CFAP69: variants seen among roughly 807,000 people sequenced by gnomAD.
CFAP69 encodes the protein cilia and flagella associated protein 69, also known as cilia- and flagella-associated protein 69.
Under a neutral mutation model 123.0 loss-of-function variants are expected in CFAP69, and 92 were observed. The ratio of observed to expected loss-of-function variants is 0.75; its 90% confidence interval spans 0.63 to 0.89. CFAP69 has a LOEUF of 0.89. Ranked by LOEUF, CFAP69 falls within the 40% of genes least tolerant of loss-of-function variation. The probability of loss-of-function intolerance (pLI) is 0.00; values close to 1 mark genes in which losing one functional copy is unlikely to be tolerated. For synonymous variants in CFAP69, 380 were observed against 364.3 expected, an observed-to-expected ratio of 1.04 and a Z score of -0.49; for missense variants, 1,067 against 1,096.9, an observed-to-expected ratio of 0.97 and a Z score of 0.39.
In CFAP69 at chr7:90,282,919, T is replaced by A; in HGVS notation, c.1400T>A (p.Phe467Tyr). 1 of 1,544,912 alleles carries A rather than the reference T, an allele frequency of 6.5e-7. No individual in the cohort carries two copies. Among genetic ancestry groups the A allele is most frequent in the Non-Finnish European group, 8.7e-7 (1 of 1,149,230 alleles). ...EDPFFSHGNS[F>Y]HGTGGRGNKF... Reference sequence around the variant, plus strand: ...CCGTTTTTCAGTCATGGTAACAGTTTTCATGGTACAGGTGGCCGAGGCAAC... The same window carrying A: ...CCGTTTTTCAGTCATGGTAACAGTTATCATGGTACAGGTGGCCGAGGCAAC... The change falls in exon 13 of 23, where the codon TTT (phenylalanine) becomes TAT (tyrosine). Residue 467 changes from phenylalanine to tyrosine, a missense_variant. Physicochemically the swap from Phe to Tyr is conservative, Grantham distance 22. Coordinates refer to ENST00000389297, the MANE Select transcript of CFAP69 (RefSeq NM_001039706.3).
the CFAP69 span, chr7:90,320,609 T>C: frequency 6.6e-6 from 1 of 152,176 alleles, no homozygotes; most frequent in Admixed American, 6.5e-5. Context: ...GTTGGAAATG[T>C]CCCTTTTACA....
chr7:90,262,117 A>G (rs942481950), intron 4 of CFAP69, 61 bp downstream of exon 4: 2 of 1,101,480 alleles, frequency 1.8e-6, no homozygotes, highest in East Asian at 2.5e-5. Context: ...TATGTTTCTT[A>G]TATCACAAAC....
Position 90,277,294 on chromosome 7 carries a change from A to G in CFAP69, c.1115A>G (p.Asn372Ser). ...TTTGAGTTGAAGAAATTACTATTCA[A>G]CGTAATTGTGATCTTATGTAAAGAT... The part of the protein sequence containing the change: ...EDFELKKLLF[N>S]VIVILCKDLP... Residue 372 changes from asparagine (N) to serine (S), a missense_variant, in exon 11 of 23, where the codon AAC (asparagine) becomes AGC (serine). Physicochemically the swap from Asn to Ser is conservative, Grantham distance 46. Transcript: ENST00000389297. The G allele has an allele frequency of 6.3e-7, 1 of 1,587,962 alleles. No homozygotes were observed. Among genetic ancestry groups the G allele is most frequent in the Middle Eastern group, 1.7e-4 (1 of 5,934 alleles).
rs1313192788 is a variant in CFAP69 at position 90,277,303 on chromosome 7, T to G, written c.1124T>G (p.Val375Gly). Reference sequence around the variant, plus strand: ...AAGAAATTACTATTCAACGTAATTGTGATCTTATGTAAAGATTTACCTACT... The same window carrying G: ...AAGAAATTACTATTCAACGTAATTGGGATCTTATGTAAAGATTTACCTACT... The part of the protein sequence containing the change: ...ELKKLLFNVI[V>G]ILCKDLPTVQ... Residue 375 changes from valine (V) to glycine (G), a missense_variant, in exon 11 of 23, where the codon GTG (valine) becomes GGG (glycine). Physicochemically the swap from Val to Gly is moderately radical, Grantham distance 109 (BLOSUM62 -3). Coordinates refer to ENST00000389297, the MANE Select transcript of CFAP69 (RefSeq NM_001039706.3). The G allele has an allele frequency of 6.3e-7, 1 of 1,581,512 alleles. No homozygotes were observed. The highest frequency in any genetic ancestry group is 8.6e-7 in the Non-Finnish European group (1 of 1,165,930).
At chr7:90,264,132 T>A (rs1237422829) in intron 4 of CFAP69, among the ~76,000 whole-genome samples, 1,258 of 116,084 alleles carry the variant, frequency 0.011, 157 homozygotes, top group South Asian at 0.019. Flanking sequence ...TATATATATA[T>A]ATATATATAT....
At chr7:90,286,069 A>C (rs1790230718) in intron 13 of CFAP69, among the ~76,000 whole-genome samples, 1 of 152,208 alleles carries the variant, frequency 6.6e-6, no homozygotes, top group African/African-American at 2.4e-5. Context: ...TGCAAGGCCG[A>C]GGCAGGAGGA....
At chr7:90,307,337 C>T (rs1010289504) in intron 20 of CFAP69, among the ~76,000 whole-genome samples, 21 of 152,138 alleles carry the variant, frequency 1.4e-4, no homozygotes, top group Non-Finnish European at 2.5e-4. Flanking sequence ...ATTGTATGCA[C>T]ATATCAAAAT....
chr7:90,271,396 G>A (rs1487717005), intron 6 of CFAP69, 130 bp from the exon 7 acceptor site: 18 of 939,992 alleles, frequency 1.9e-5, no homozygotes, highest in South Asian at 1.1e-4. Context: ...CCTATGCTGC[G>A]CAATTTTTAA....
chr7:90,323,658 T>G, the CFAP69 span, among the ~76,000 whole-genome samples: 1 of 152,102 alleles, frequency 6.6e-6, no homozygotes, highest in East Asian at 1.9e-4. Flanking sequence ...GAAAGTAAAT[T>G]TATAAGATTC....
At chr7:90,263,190 GTATAA>G (rs1388189380) in intron 4 of CFAP69, among the ~76,000 whole-genome samples, 1 of 152,144 alleles carries the variant, frequency 6.6e-6, no homozygotes, top group African/African-American at 2.4e-5. Context: ...ATGTTTAATT[GTATAA>G]TATGATAAAT....
chr7:90,288,435 G>A, intron 15 of CFAP69, 83 bp downstream of exon 15: 1 of 1,465,906 alleles, frequency 6.8e-7, no homozygotes, highest in East Asian at 2.3e-5. Flanking sequence ...TCTGAGAAAT[G>A]TTTCCTTAGG....
chr7:90,279,743 A>G lies in CFAP69; in HGVS notation c.1222A>G (p.Ile408Val). Reference sequence around the variant, plus strand: ...TGTTAAGAAGCCTGAGAAGCAAAAAATAATTGACTGGTCTGCAGCACAGCA... The same window carrying G: ...TGTTAAGAAGCCTGAGAAGCAAAAAGTAATTGACTGGTCTGCAGCACAGCA... ...TYVKKPEKQK[I>V]IDWSAAQHEE... is the part of the protein sequence containing the mutation. The change falls in exon 12 of 23, where the codon ATA becomes GTA. Residue 408 changes from isoleucine to valine, a missense_variant. Physicochemically the swap from Ile to Val is conservative, Grantham distance 29. Transcript: ENST00000389297. 6.2e-7 allele frequency: 1 copy of G among 1,612,848 alleles called. No homozygotes were observed.
At chr7:90,254,174 C>T (rs1243669369) in intron 1 of CFAP69, among the ~76,000 whole-genome samples, 1 of 152,092 alleles carries the variant, frequency 6.6e-6, no homozygotes, top group East Asian at 1.9e-4. Context: ...TCTGGGTTCT[C>T]TGTTCTGTTT....
intron 2 of CFAP69, among the ~76,000 whole-genome samples, chr7:90,257,185 A>T (rs1797759554): frequency 6.6e-6 from 1 of 152,228 alleles, no homozygotes; most frequent in African/African-American, 2.4e-5. Flanking sequence ...GTGGTACATG[A>T]CGTAGAAAAA....
At chr7:90,299,141 C>T (rs939824392) in intron 16 of CFAP69, among the ~76,000 whole-genome samples, 1 of 152,048 alleles carries the variant, frequency 6.6e-6, no homozygotes, top group Non-Finnish European at 1.5e-5. Context: ...AAAACAAAAG[C>T]TTACATATTT....
intron 16 of CFAP69, 81 bp downstream of exon 16, chr7:90,297,911 A>C: frequency 1.1e-6 from 1 of 904,262 alleles, no homozygotes; most frequent in Non-Finnish European, 1.7e-6. Context: ...GCCACAGAGC[A>C]CAAGTCTATG....
chr7:90,286,741 A>G (rs1380314923), intron 14 of CFAP69, among the ~76,000 whole-genome samples: 1 of 152,140 alleles, frequency 6.6e-6, no homozygotes, highest in Non-Finnish European at 1.5e-5. Context: ...GGAATCGCAC[A>G]ATATTTACTC....
At chr7:90,287,628 A>C (rs1790496024) in intron 14 of CFAP69, 1 of 985,428 alleles carries the variant, frequency 1.0e-6, no homozygotes. Flanking sequence ...ACGCCTGTTT[A>C]GCTCCAAGCT....
At chr7:90,246,940 T>A (rs1796406983) in intron 1 of CFAP69, among the ~76,000 whole-genome samples, 1 of 152,198 alleles carries the variant, frequency 6.6e-6, no homozygotes, top group South Asian at 2.1e-4. Flanking sequence ...TTTAATTTTC[T>A]TTCTTTTCTT....
Sources: allele counts gnomAD v4.1 joint callset (sites outside exome capture counted in the v4.1 genomes callset), GRCh38; gene constraint gnomAD v4.1.1; transcripts MANE v1.5; gene names NCBI Gene and HGNC (gene_info 2026-07-23, HGNC 2026-07-21).